OSBPL1A: variants seen among roughly 807,000 people sequenced by gnomAD.
The protein encoded by OSBPL1A is oxysterol-binding protein-related protein 1.
In OSBPL1A, 80 loss-of-function variants were observed where a neutral mutation model predicts 137.1. The observed-to-expected ratio is 0.58, with a 90% confidence interval of 0.49 to 0.70. OSBPL1A has a LOEUF of 0.70. OSBPL1A is among the 30% of genes least tolerant of loss of function. OSBPL1A has a pLI of 0.00. For synonymous variants in OSBPL1A, 365 were observed against 389.7 expected (o/e 0.94, Z 0.75); for missense variants, 970 against 1,129.4 (o/e 0.86, Z 2.02).
At chr18:24,171,336 A>ATGTATTTTAATACCGACAT in intron 23 of OSBPL1A, 73 bp downstream of exon 23, 1 of 1,205,116 alleles carries the variant, frequency 8.3e-7, no homozygotes, top group South Asian at 1.3e-5. Context: ...CCAGCCGACA[A>ATGTATTTTAATACCGACAT]TGTATTTTAA....
rs992851843 is a variant in OSBPL1A, at chr18:24,334,172, A to G, written c.480+73T>C. On this transcript the variant is annotated intron_variant, in intron 6 of 27. Transcript: ENST00000319481. ...AATTCAACTAAATTATTTACTTAAC[A>G]TTAAGTAAAAATTTTCCTGAAGTGT... is the stretch of plus-strand genomic sequence containing the variant. 10 of 1,239,432 alleles carry G rather than the reference A, an allele frequency of 8.1e-6. No homozygotes were observed. The African/African-American group carries it at 1.1e-4, about 13-fold the overall frequency. The allele number at this position is 1,239,432 out of a possible 1,614,324, so 76.8% of individuals were successfully genotyped here.
chr18:24,337,114 A>G (rs1266013679), intron 5 of OSBPL1A, among the ~76,000 whole-genome samples: 6 of 152,202 alleles, frequency 3.9e-5, no homozygotes, highest in Non-Finnish European at 7.3e-5. Context: ...TCTGACAGAA[A>G]TACATATCCT....
Position 24,332,981 on chromosome 18 carries a change from G to A in OSBPL1A, c.586C>T (p.Leu196=), listed in dbSNP as rs750623681. ...AGATTAGGGTCTGCTCCACTTCTTA[G>A]AAGCTTTAAGGCACATTGTTTATGG... The part of the protein sequence containing the change: ...RAHKQCALKL[L]RSGADPNLKN... Residue 196 remains leucine, a synonymous_variant, in exon 7 of 28, where the codon CTA becomes TTA. Coordinates refer to ENST00000319481, the MANE Select transcript of OSBPL1A (RefSeq NM_080597.4). 3.1e-6 allele frequency: 5 copies of A among 1,614,150 alleles called. No individual in the cohort carries two copies. In the South Asian group the frequency reaches 5.5e-5, roughly 18 times the overall value.
At chr18:24,315,839 T>G (rs1264176317) in intron 11 of OSBPL1A, among the ~76,000 whole-genome samples, 2 of 117,980 alleles carry the variant, frequency 1.7e-5, no homozygotes, top group South Asian at 2.3e-4. Flanking sequence ...ATAGTATATA[T>G]TATATAATAA....
chr18:24,314,898 G>T (rs1231828795), intron 11 of OSBPL1A, among the ~76,000 whole-genome samples: 1 of 152,144 alleles, frequency 6.6e-6, no homozygotes, highest in African/African-American at 2.4e-5. Context: ...ATGACCTTGA[G>T]CAGTAGGATA....
chr18:24,318,555 G>C, intron 9 of OSBPL1A, 46 bp downstream of exon 9: 2 of 1,479,674 alleles, frequency 1.4e-6, no homozygotes, highest in Non-Finnish European at 1.9e-6. Flanking sequence ...GAGCACCTGA[G>C]AATTATTCTT....
intron 7 of OSBPL1A, among the ~76,000 whole-genome samples, chr18:24,325,507 C>G (rs1244274891): frequency 1.3e-5 from 2 of 152,238 alleles, no homozygotes; most frequent in African/African-American, 4.8e-5. Context: ...GTACTCAACT[C>G]AGCTGTTTGC....
At chr18:24,348,201 T>G (rs919426484) in intron 4 of OSBPL1A, among the ~76,000 whole-genome samples, 5 of 152,154 alleles carry the variant, frequency 3.3e-5, no homozygotes, top group Non-Finnish European at 7.3e-5. Context: ...TATATCCACT[T>G]AAAAGATAAT....
At chr18:24,372,995 A>G (rs1905786709) in intron 2 of OSBPL1A, among the ~76,000 whole-genome samples, 1 of 152,134 alleles carries the variant, frequency 6.6e-6, no homozygotes, top group African/African-American at 2.4e-5. Context: ...ACCCAAGAGG[A>G]GGTGGAGGTT....
At chr18:24,258,925 CTTTTTTTTTTTTTT>C (rs543867145) in intron 15 of OSBPL1A, among the ~76,000 whole-genome samples, 1 of 92,728 alleles carries the variant, frequency 1.1e-5, no homozygotes. Context: ...AAAATTACAT[CTTTTTTTTTTTTTT>C]TTTTTTTTTT....
chr18:24,372,610 C>G (rs892436277), intron 2 of OSBPL1A, among the ~76,000 whole-genome samples: 1 of 152,222 alleles, frequency 6.6e-6, no homozygotes, highest in African/African-American at 2.4e-5. Context: ...GCTCGACTGA[C>G]TCCAACTCCT....
At chr18:24,178,216 A>AT (rs765789131) in intron 20 of OSBPL1A, 21 bp from the exon 21 acceptor site, 11 of 1,522,078 alleles carry the variant, frequency 7.2e-6, no homozygotes, top group African/African-American at 1.4e-5. Context: ...AAAAAAAAAA[A>AT]AAAAGAAAAA....
chr18:24,282,640 A>C (rs1051243798), intron 14 of OSBPL1A, among the ~76,000 whole-genome samples: 10 of 152,248 alleles, frequency 6.6e-5, no homozygotes, highest in African/African-American at 2.2e-4. Flanking sequence ...TTATGTCCAG[A>C]TTAATGCAAA....
At chr18:24,174,967 C>G (rs540427368) in intron 21 of OSBPL1A, among the ~76,000 whole-genome samples, 2 of 150,798 alleles carry the variant, frequency 1.3e-5, no homozygotes. Context: ...TTTTTAGAGA[C>G]GGATTTTCAC....
chr18:24,276,977 A>G (rs1307014993), intron 15 of OSBPL1A, among the ~76,000 whole-genome samples: 3 of 152,238 alleles, frequency 2.0e-5, no homozygotes, highest in Non-Finnish European at 4.4e-5. Context: ...GAGTTTGGTT[A>G]TCTAGTTTTC....
chr18:24,259,426 T>C (rs932428072), intron 15 of OSBPL1A, among the ~76,000 whole-genome samples: 1 of 152,170 alleles, frequency 6.6e-6, no homozygotes, highest in Admixed American at 6.5e-5. Context: ...ACCATACTTC[T>C]CCATCTCTCT....
intron 18 of OSBPL1A, among the ~76,000 whole-genome samples, chr18:24,182,864 C>T (rs540200988): frequency 6.0e-4 from 91 of 151,890 alleles, no homozygotes; most frequent in Non-Finnish European, 8.0e-4. Flanking sequence ...GGCTCTCTTT[C>T]TTCTATTTTT....
At position 24,166,675 on chromosome 18, in the gene OSBPL1A, C is replaced by A; in HGVS notation, c.2563G>T (p.Val855Phe). ...ATGTCTTTGTCTACTTCATTCAAAA[C>A]CATTGCAAAACTAGTAAAATTATAC... ...QMYNFTSFAM[V>F]LNEVDKDMES... is the part of the protein sequence containing the mutation. The change falls in exon 26 of 28, where the codon GTT (valine) becomes TTT (phenylalanine). Residue 855 changes from valine (V) to phenylalanine (F), a missense_variant. Physicochemically the swap from Val to Phe is conservative, Grantham distance 50. This residue lies in a region of OSBPL1A where 323 missense variants were observed against 456.8 expected (regional missense o/e 0.71). Transcript: ENST00000319481. The A allele has an allele frequency of 6.2e-7, 1 of 1,611,402 alleles. No homozygotes were observed. The highest frequency in any genetic ancestry group is 8.5e-7 in the Non-Finnish European group (1 of 1,179,166).
chr18:24,300,515 T>C (rs2090379027), intron 14 of OSBPL1A, among the ~76,000 whole-genome samples: 1 of 152,228 alleles, frequency 6.6e-6, no homozygotes, highest in Admixed American at 6.5e-5. Context: ...CTTAAAGGCT[T>C]CTGATTCAAC....
Sources: gnomAD v4.1 joint callset for allele counts (sites outside exome capture counted in the v4.1 genomes callset) on GRCh38, gnomAD v4.1.1 for gene constraint, gnomAD v4.1.1 regional missense constraint, MANE v1.5 for transcripts, NCBI Gene and HGNC (gene_info 2026-07-23, HGNC 2026-07-21) for gene names.